The following CASQ2 variants were observed in gnomAD, a reference collection of about 807,000 sequenced individuals.
CASQ2 encodes calsequestrin 2.
A neutral mutation model predicts 46.5 loss-of-function variants in CASQ2; 49 were observed. The ratio of observed to expected loss-of-function variants is 1.05; its 90% CI spans 0.84 to 1.34. The LOEUF (loss-of-function observed/expected upper bound fraction) is 1.34, where lower values mean the gene tolerates loss of function less well. CASQ2 is among the 40% of genes most tolerant of loss of function. CASQ2 has a pLI of 0.00. For synonymous variants in CASQ2, 174 were observed against 168.5 expected (o/e 1.03, Z -0.25); for missense variants, 486 against 481.3 (o/e 1.01, Z -0.09).
intron 1 of CASQ2, among the ~76,000 whole-genome samples, chr1:115,748,263 A>G (rs1032629000): frequency 1.3e-5 from 2 of 152,106 alleles, no homozygotes. Context: ...CATTGTTCCT[A>G]GAATCTGTGT....
intron 9 of CASQ2, among the ~76,000 whole-genome samples, chr1:115,704,977 A>G (rs1433189828): frequency 6.6e-6 from 1 of 152,198 alleles, no homozygotes; most frequent in African/African-American, 2.4e-5. Context: ...AAGGGTTTTC[A>G]ACTCCTGGAC....
chr1:115,766,865 T>TGATAGATAGATA (rs58728885), intron 1 of CASQ2, among the ~76,000 whole-genome samples: 52 of 144,990 alleles, frequency 3.6e-4, no homozygotes, highest in Non-Finnish European at 3.8e-4. Context: ...GAGCTAGAGA[T>TGATAGATAGATA]GATAGATAGA....
intron 4 of CASQ2, among the ~76,000 whole-genome samples, chr1:115,734,994 T>C (rs547304229): frequency 1.3e-5 from 2 of 152,342 alleles, no homozygotes; most frequent in South Asian, 2.1e-4. Flanking sequence ...GTATAAACTT[T>C]ATAGTGTATG....
At chr1:115,716,859 A>T (rs1349714159) in intron 8 of CASQ2, among the ~76,000 whole-genome samples, 1 of 152,198 alleles carries the variant, frequency 6.6e-6, no homozygotes, top group African/African-American at 2.4e-5. Flanking sequence ...AATTTAAGAC[A>T]TGGTGAGATT....
chr1:115,722,715 C>A (rs758023015), intron 7 of CASQ2, among the ~76,000 whole-genome samples: 1 of 152,148 alleles, frequency 6.6e-6, no homozygotes, highest in South Asian at 2.1e-4. Context: ...CCATGAAAGA[C>A]GAAGACCAAG....
chr1:115,749,927 A>C (rs1019824283), intron 1 of CASQ2, among the ~76,000 whole-genome samples: 1 of 152,166 alleles, frequency 6.6e-6, no homozygotes, highest in African/African-American at 2.4e-5. Flanking sequence ...CCTCTCTGGA[A>C]CTCAAAAAGC....
chr1:115,753,773 G>T (rs1215299728), intron 1 of CASQ2, among the ~76,000 whole-genome samples: 1 of 152,038 alleles, frequency 6.6e-6, no homozygotes, highest in Non-Finnish European at 1.5e-5. Context: ...AGAGGAGAAA[G>T]ACTAATTTAC....
chr1:115,731,359 A>C lies in CASQ2; in HGVS notation c.606+1542T>G, dbSNP rs116017064. On this transcript the variant is annotated intron_variant, in intron 5 of 10. Transcript: ENST00000261448. Reference sequence around the variant, plus strand: ...GACAAATTAATTGGCCTGCCTCTCTATTCCTTTCAGCTGGATTCTTACCCA... The same window carrying C: ...GACAAATTAATTGGCCTGCCTCTCTCTTCCTTTCAGCTGGATTCTTACCCA... 4.1e-3 allele frequency among the ~76,000 whole-genome samples: 624 copies of C among 152,224 alleles called. 6 individuals are homozygous for C. The highest frequency in any genetic ancestry group is 0.014 in the African/African-American group (601 of 41,524).
intron 4 of CASQ2, among the ~76,000 whole-genome samples, chr1:115,736,676 A>G (rs968936613): frequency 5.9e-5 from 9 of 152,200 alleles, no homozygotes; most frequent in African/African-American, 2.2e-4. Flanking sequence ...TAAGATTCTC[A>G]TTCAAAATTT....
At chr1:115,753,017 G>A (rs1446872942) in intron 1 of CASQ2, among the ~76,000 whole-genome samples, 1 of 152,200 alleles carries the variant, frequency 6.6e-6, no homozygotes, top group African/African-American at 2.4e-5. Flanking sequence ...GAAGAGGGAG[G>A]AGGCAAAATA....
At chr1:115,730,842 C>G (rs1208793181) in intron 5 of CASQ2, among the ~76,000 whole-genome samples, 1 of 152,182 alleles carries the variant, frequency 6.6e-6, no homozygotes, top group African/African-American at 2.4e-5. Context: ...CAAAGCACCT[C>G]CAGGTCCCTC....
At chr1:115,759,006 G>C (rs1648850132) in intron 1 of CASQ2, among the ~76,000 whole-genome samples, 1 of 152,230 alleles carries the variant, frequency 6.6e-6, no homozygotes, top group Non-Finnish European at 1.5e-5. Context: ...GAGGAGGGTA[G>C]AGAAGGTAAA....
intron 1 of CASQ2, among the ~76,000 whole-genome samples, chr1:115,759,028 G>A (rs1156487244): frequency 2.6e-5 from 4 of 152,206 alleles, no homozygotes; most frequent in Non-Finnish European, 1.5e-5. Flanking sequence ...TGAGTGCATG[G>A]AAAGTGTGAT....
chr1:115,740,869 C>T (rs910682603), intron 2 of CASQ2, 41 bp from the exon 3 acceptor site: 41 of 1,359,928 alleles, frequency 3.0e-5, no homozygotes, highest in African/African-American at 1.4e-4. Context: ...GTCATCCTGA[C>T]GTAGGAAGAG....
chr1:115,744,823 CT>C lies in CASQ2; in HGVS notation c.319+4del. The C allele has an allele frequency of 6.2e-7, 1 of 1,606,888 alleles. No homozygotes were observed. The highest frequency in any genetic ancestry group is 8.5e-7 in the Non-Finnish European group (1 of 1,173,462). The stretch of plus-strand genomic sequence containing the variant: ...CACATACAGTATCTCAAAAATCACA[CT>C]TACCCAGTTTCTTGGCAAGCTTGGC... On this transcript the variant is annotated splice_donor_region_variant and intron_variant, in intron 2 of 10. Coordinates refer to ENST00000261448, the MANE Select transcript of CASQ2 (RefSeq NM_001232.4).
At chr1:115,702,759 C>T (rs377472011) in intron 10 of CASQ2, among the ~76,000 whole-genome samples, 162 bp downstream of exon 10, 3 of 152,200 alleles carry the variant, frequency 2.0e-5, no homozygotes, top group Non-Finnish European at 2.9e-5. Flanking sequence ...GGGACTGGCT[C>T]GGAGACCAGG....
chr1:115,740,986 T>C (rs1257468814), intron 2 of CASQ2, among the ~76,000 whole-genome samples, 158 bp from the exon 3 acceptor site: 1 of 152,202 alleles, frequency 6.6e-6, no homozygotes, highest in Non-Finnish European at 1.5e-5. Flanking sequence ...ATAACACTTT[T>C]GAAGAGCTCC....
intron 3 of CASQ2, among the ~76,000 whole-genome samples, chr1:115,739,602 T>C (rs561223104): frequency 1.3e-5 from 2 of 152,316 alleles, no homozygotes; most frequent in African/African-American, 4.8e-5. Flanking sequence ...TGTTTTTCTG[T>C]CATGAAATAT....
intron 1 of CASQ2, among the ~76,000 whole-genome samples, chr1:115,755,449 A>C (rs576557582): frequency 6.6e-6 from 1 of 152,300 alleles, no homozygotes; most frequent in East Asian, 1.9e-4. Context: ...GGTACACCTC[A>C]TTTTAAAAAG....
Sources: allele counts gnomAD v4.1 joint callset (sites outside exome capture counted in the v4.1 genomes callset), GRCh38; gene constraint gnomAD v4.1.1; transcripts MANE v1.5; gene names NCBI Gene and HGNC (gene_info 2026-07-23, HGNC 2026-07-21).